The following SPIRE2 variants were observed in gnomAD, a reference collection of about 807,000 sequenced individuals.
SPIRE2 encodes spire type actin nucleation factor 2.
A neutral mutation model predicts 80.7 loss-of-function variants in SPIRE2; 76 were observed. That is an observed-to-expected ratio of 0.94 (90% CI 0.78 to 1.14). The LOEUF is 1.14. SPIRE2 is among the 50% of genes most tolerant of loss of function. The pLI is 0.00. For missense variants in SPIRE2, 1,196 were observed against 1,015.3 expected (o/e 1.18, Z -2.42); for synonymous variants, 535 against 432.6 (o/e 1.24, Z -2.94).
At chr16:89,837,853 C>T (rs1299355653) in intron 1 of SPIRE2, among the ~76,000 whole-genome samples, 3 of 152,158 alleles carry the variant, frequency 2.0e-5, no homozygotes, top group Non-Finnish European at 2.9e-5. Context: ...CGAGCACTGG[C>T]GGAAGTGAGA....
rs1043812600 is a variant in SPIRE2 at position 89,828,624 on chromosome 16, A to G, written c.74A>G (p.Glu25Gly). The change falls in exon 1 of 15, where the codon GAG becomes GGG. Residue 25 changes from glutamate (E) to glycine (G), a missense_variant. Coordinates refer to ENST00000378247, the MANE Select transcript of SPIRE2 (RefSeq NM_032451.2). The surrounding 1 kb of genome is among the most constrained non-coding windows in gnomAD (Gnocchi z 5.9). Reference protein sequence around the residue: ...GRPEPWELSLEEVLKAYEQPL... With the variant: ...GRPEPWELSLGEVLKAYEQPL... The stretch of plus-strand genomic sequence containing the variant: ...CCGGAGCCCTGGGAGCTGTCCCTGG[A>G]GGAGGTGCTGAAGGCCTACGAGCAG... The G allele has an allele frequency of 1.1e-5, 14 of 1,332,290 alleles. No homozygotes were observed. The African/African-American group carries it at 1.1e-4, about 10-fold the overall frequency. The allele number at this position is 1,332,290 out of a possible 1,614,324, so 82.5% of individuals were successfully genotyped here.
intron 2 of SPIRE2, among the ~76,000 whole-genome samples, chr16:89,849,087 C>T (rs563299249): frequency 6.6e-6 from 1 of 152,368 alleles, no homozygotes; most frequent in South Asian, 2.1e-4. Context: ...TTGTTCTGCC[C>T]GGCTCAGGAT....
chr16:89,839,615 G>C (rs2041484718), intron 1 of SPIRE2, among the ~76,000 whole-genome samples: 6 of 152,340 alleles, frequency 3.9e-5, no homozygotes, highest in African/African-American at 1.2e-4. Context: ...GAAACCCCTG[G>C]AGGCGGGAGA....
At chr16:89,851,175 C>T (rs1394452119) in intron 3 of SPIRE2, among the ~76,000 whole-genome samples, 6 of 152,198 alleles carry the variant, frequency 3.9e-5, no homozygotes, top group Non-Finnish European at 5.9e-5. Flanking sequence ...TCTTCCCCAA[C>T]TGCTCTCTCC....
chr16:89,831,615 T>G (rs1305001173), intron 1 of SPIRE2, among the ~76,000 whole-genome samples: 1 of 150,602 alleles, frequency 6.6e-6, no homozygotes, highest in Non-Finnish European at 1.5e-5. Context: ...GCCAGAATGG[T>G]CTCGATCTCC....
chr16:89,829,310 G>A (rs1191162410), intron 1 of SPIRE2, among the ~76,000 whole-genome samples: 1 of 152,214 alleles, frequency 6.6e-6, no homozygotes, highest in East Asian at 1.9e-4. Flanking sequence ...AAGTTGGGGG[G>A]ACAACCTGCT....
intron 10 of SPIRE2, chr16:89,862,923 A>G (rs2041757082): frequency 6.5e-6 from 1 of 154,678 alleles, no homozygotes; most frequent in African/African-American, 2.4e-5. Flanking sequence ...CAGAAGAGAA[A>G]ACTGAGGCTT....
Position 89,840,785 on chromosome 16 carries a change from G to A in SPIRE2, c.245-4537G>A, listed in dbSNP as rs143496972. Among the ~76,000 whole-genome samples, 232 of 149,746 alleles carry A rather than the reference G, an allele frequency of 1.5e-3. 3 individuals are homozygous for A. The highest frequency in any genetic ancestry group is 4.9e-3 in the African/African-American group (198 of 40,448). ...CGAGTAGCTGGGACTACAGGTGCCC[G>A]CCACCACGCCCAGCTTATTTTTTTG... On this transcript the variant is annotated intron_variant, in intron 1 of 14. Transcript: ENST00000378247.
chr16:89,840,245 CTTTTTT>C (rs778083127), intron 1 of SPIRE2, among the ~76,000 whole-genome samples: 8 of 133,270 alleles, frequency 6.0e-5, no homozygotes, highest in Non-Finnish European at 1.3e-4. Context: ...AACCTGTCAT[CTTTTTT>C]TTTTTTTTTT....
At chr16:89,854,934 G>A (rs1326195376) in intron 5 of SPIRE2, among the ~76,000 whole-genome samples, 3 of 121,692 alleles carry the variant, frequency 2.5e-5, no homozygotes, top group African/African-American at 9.5e-5. Flanking sequence ...AGCCAAGGCT[G>A]TAGGATTTTT....
intron 2 of SPIRE2, among the ~76,000 whole-genome samples, chr16:89,847,799 T>G (rs1158787002): frequency 6.6e-6 from 1 of 152,216 alleles, no homozygotes; most frequent in Non-Finnish European, 1.5e-5. Context: ...AGTTTTTTGC[T>G]TTTCAGAGAA....
intron 2 of SPIRE2, among the ~76,000 whole-genome samples, chr16:89,848,154 C>G (rs2041581799): frequency 6.6e-6 from 1 of 152,266 alleles, no homozygotes; most frequent in Non-Finnish European, 1.5e-5. Context: ...TCGGCTTCCT[C>G]ACACCCCGCC....
Position 89,854,686 on chromosome 16 carries a change from G to A in SPIRE2, c.891+35G>A, listed in dbSNP as rs1328854075. The A allele has an allele frequency of 2.5e-6, 4 of 1,598,426 alleles. No homozygotes were observed. The Admixed American group carries it at 6.7e-5, about 27-fold the overall frequency. Reference sequence around the variant, plus strand: ...GCAGACGCAGAGGGGCAGCCTGGATGCAGAGGTCGTGGTGAGCGGGGCGGA... The same window carrying A: ...GCAGACGCAGAGGGGCAGCCTGGATACAGAGGTCGTGGTGAGCGGGGCGGA... On this transcript the variant is annotated intron_variant, in intron 5 of 14. Transcript: ENST00000378247.
chr16:89,857,881 C>CT (rs774655599), intron 7 of SPIRE2, among the ~76,000 whole-genome samples: 53,676 of 107,194 alleles, frequency 0.5, 14,361 homozygotes, highest in South Asian at 0.73. Context: ...AGTTCTTCTT[C>CT]TTTTTTTTTT....
rs2041760062 is a variant in SPIRE2, at chr16:89,863,279, G to C, written c.1576-197G>C. 1.6e-6 allele frequency: 1 copy of C among 631,138 alleles called. No individual in the cohort carries two copies. The allele number at this position is 631,138 out of a possible 1,614,324, so 39.1% of individuals were successfully genotyped here. On this transcript the variant is annotated intron_variant, in intron 10 of 14. Coordinates refer to ENST00000378247, the MANE Select transcript of SPIRE2 (RefSeq NM_032451.2). The surrounding 1 kb of genome is among the most constrained non-coding windows in gnomAD (Gnocchi z 4.3). ...CCGGCAGGGTCCGCTGGTCATGGGA[G>C]GCCTGGCCTGCAGCAGCAGGGCCCA...
At chr16:89,837,439 G>A (rs1335877610) in intron 1 of SPIRE2, among the ~76,000 whole-genome samples, 1 of 152,184 alleles carries the variant, frequency 6.6e-6, no homozygotes, top group Non-Finnish European at 1.5e-5. Context: ...CGCATCGTGA[G>A]GCGCATGTGA....
intron 1 of SPIRE2, among the ~76,000 whole-genome samples, chr16:89,830,625 T>C (rs2041370110): frequency 6.6e-6 from 1 of 151,070 alleles, no homozygotes; most frequent in Admixed American, 6.6e-5. Flanking sequence ...CCAATCTCAC[T>C]TGTTGGCATT....
chr16:89,865,842 C>T (rs925111324), intron 12 of SPIRE2, among the ~76,000 whole-genome samples: 1 of 151,706 alleles, frequency 6.6e-6, no homozygotes, highest in Non-Finnish European at 1.5e-5. Flanking sequence ...GTGGCGGGTG[C>T]CTGTAGTCCC....
rs1323408482 is a variant in SPIRE2, at chr16:89,865,452, A to G, written c.1778+1591A>G. On this transcript the variant is annotated intron_variant, in intron 12 of 14. Coordinates refer to ENST00000378247, the MANE Select transcript of SPIRE2 (RefSeq NM_032451.2). ...TACCATAAGTCCTAAAGCAACCACT[A>G]AAATAAAACAGTTACAGCTAATAAG... 2.0e-5 allele frequency among the ~76,000 whole-genome samples: 3 copies of G among 152,232 alleles called. No individual in the cohort carries two copies. In the East Asian group the frequency reaches 5.8e-4, roughly 29 times the overall value.
Sources: gnomAD v4.1 joint callset for allele counts (sites outside exome capture counted in the v4.1 genomes callset) on GRCh38, gnomAD v4.1.1 for gene constraint, Gnocchi (gnomAD v3.1) non-coding constraint, MANE v1.5 for transcripts, NCBI Gene and HGNC (gene_info 2026-07-23, HGNC 2026-07-21) for gene names.